Variants in SLC36A1 observed in about 807,000 individuals in gnomAD.
SLC36A1 encodes solute carrier family 36 member 1.
In SLC36A1, 30 loss-of-function variants were observed where a neutral mutation model predicts 47.5. That is an observed-to-expected ratio of 0.63 (90% CI 0.47 to 0.86). The LOEUF is 0.86. Among genes scored for constraint, SLC36A1 ranks in the 40% least tolerant of loss-of-function variants. The pLI is 0.00. For synonymous variants in SLC36A1, 255 were observed against 249.7 expected (o/e 1.02, Z -0.20); for missense variants, 517 against 606.0 (o/e 0.85, Z 1.54).
At chr5:151,476,045 C>A (rs1758009494) in intron 8 of SLC36A1, among the ~76,000 whole-genome samples, 2 of 152,216 alleles carry the variant, frequency 1.3e-5, no homozygotes. Flanking sequence ...TGTTAAGCAC[C>A]CATGTCTTGA....
Position 151,440,242 on chromosome 5 carries a change from C to T in SLC36A1, c.-6+3063C>T, listed in dbSNP as rs150221487. Among the ~76,000 whole-genome samples the T allele has an allele frequency of 6.5e-3, 996 of 152,340 alleles. 6 individuals are homozygous for T. The highest frequency in any genetic ancestry group is 0.027 in the Middle Eastern group (8 of 294). On this transcript the variant is annotated intron_variant, in intron 1 of 8. Coordinates refer to the SLC36A1 transcript ENST00000429484. ...AAAGGAGATACAGGAAGGGCACCTA[C>T]AGCATCTCCTAAATGCCTCATAGGG... is the stretch of plus-strand genomic sequence containing the variant.
chr5:151,482,296 A>G (rs1008481403), intron 10 of SLC36A1, among the ~76,000 whole-genome samples: 1 of 151,646 alleles, frequency 6.6e-6, no homozygotes, highest in African/African-American at 2.4e-5. Context: ...TTCCCCGCCC[A>G]GGAACCCTCA....
the SLC36A1 span, among the ~76,000 whole-genome samples, chr5:151,373,586 A>G: frequency 1.3e-5 from 2 of 152,210 alleles, no homozygotes; most frequent in Non-Finnish European, 2.9e-5. Context: ...ACAAATGAAA[A>G]CTAAGATAAT....
rs765483787 is a variant in SLC36A1 at position 151,463,612 on chromosome 5, T to G, written c.203T>G (p.Leu68Arg). ...AACATTGGCACAGGACTCCTGGGAC[T>G]CCCTCTGGCGGTGAAAAATGCAGGC... ...KGNIGTGLLG[L>R]PLAVKNAGIV... Residue 68 changes from leucine to arginine, a missense_variant, in exon 3 of 11, where the codon CTC becomes CGC. Leu to Arg is a moderately radical substitution (Grantham distance 102). Transcript: ENST00000243389. 4 of 1,614,100 alleles carry G rather than the reference T, an allele frequency of 2.5e-6. No individual in the cohort carries two copies. Among genetic ancestry groups the G allele is most frequent in the Non-Finnish European group, 3.4e-6 (4 of 1,180,036 alleles).
the SLC36A1 span, among the ~76,000 whole-genome samples, chr5:151,537,046 A>G: frequency 6.6e-6 from 1 of 152,312 alleles, no homozygotes; most frequent in Admixed American, 6.5e-5. Context: ...CAAGTCTCAC[A>G]TAAAGTGGCA....
intron 7 of SLC36A1, among the ~76,000 whole-genome samples, chr5:151,468,621 G>C (rs1756922790): frequency 6.6e-6 from 1 of 151,256 alleles, no homozygotes; most frequent in Non-Finnish European, 1.5e-5. Context: ...CTACTCATTA[G>C]GTACCAGTAG....
chr5:151,477,230 G>T (rs576746831), intron 9 of SLC36A1, among the ~76,000 whole-genome samples: 13 of 152,232 alleles, frequency 8.5e-5, no homozygotes, highest in Admixed American at 3.9e-4. Flanking sequence ...GGGAAATAGT[G>T]AGCCATTTTG....
the SLC36A1 span, chr5:151,543,219 A>C: frequency 6.2e-7 from 1 of 1,614,160 alleles, no homozygotes; most frequent in Admixed American, 1.7e-5. Flanking sequence ...TGACTGGGTT[A>C]ATTTCAATGA....
upstream of SLC36A1, among the ~76,000 whole-genome samples, chr5:151,432,050 G>A (rs1353857975): frequency 1.3e-5 from 2 of 152,108 alleles, no homozygotes; most frequent in Non-Finnish European, 2.9e-5. Context: ...ACACACAGAG[G>A]CCCTCACAGT....
At chr5:151,528,956 CT>C in the SLC36A1 span, among the ~76,000 whole-genome samples, 1 of 152,164 alleles carries the variant, frequency 6.6e-6, no homozygotes, top group Non-Finnish European at 1.5e-5. Context: ...TGTCTCTGAT[CT>C]TATCATATGG....
chr5:151,359,346 A>G, the SLC36A1 span, among the ~76,000 whole-genome samples: 2 of 152,202 alleles, frequency 1.3e-5, no homozygotes, highest in African/African-American at 2.4e-5. Context: ...TGCAAGAAAA[A>G]CATAAGCTTA....
At position 151,467,846 on chromosome 5, in the gene SLC36A1, G is replaced by C. The variant is rs371431768; in HGVS notation, c.644G>C (p.Arg215Pro). ...LVLLVFIRNL[R>P]ALSIFSLLAN... ...CTGCTGGTTTTCATCAGGAACCTCC[G>C]AGCCCTGTCCATCTTCTCCCTGTTG... The change falls in exon 7 of 11, where the codon CGA becomes CCA. Residue 215 changes from arginine (R) to proline (P), a missense_variant. By Grantham distance (103) the Arg-to-Pro change is moderately radical (BLOSUM62 -2). Transcript: ENST00000243389. 3.3e-5 allele frequency: 53 copies of C among 1,613,596 alleles called. No homozygotes were observed. Among genetic ancestry groups the C allele is most frequent in the Non-Finnish European group, 4.4e-5 (52 of 1,179,966 alleles).
chr5:151,542,390 C>G, the SLC36A1 span: 1 of 1,614,048 alleles, frequency 6.2e-7, no homozygotes, highest in Non-Finnish European at 8.5e-7. Context: ...ACCACAGATC[C>G]TCTGTACTCT....
chr5:151,442,482 CTTAT>C (rs756141922), intron 1 of SLC36A1, among the ~76,000 whole-genome samples: 1 of 152,112 alleles, frequency 6.6e-6, no homozygotes, highest in South Asian at 2.1e-4. Flanking sequence ...ATCTCAAACG[CTTAT>C]TTCTTTGTGT....
the SLC36A1 span, chr5:151,544,752 T>A: frequency 6.2e-7 from 1 of 1,614,194 alleles, no homozygotes; most frequent in Non-Finnish European, 8.5e-7. Context: ...TCTTGAGTGA[T>A]ATGTCCCCAA....
chr5:151,542,478 G>A, the SLC36A1 span: 40 of 1,614,086 alleles, frequency 2.5e-5, no homozygotes, highest in South Asian at 4.0e-4. Context: ...ATAGCTGGAT[G>A]GTCTGTCCGT....
chr5:151,359,995 A>G, the SLC36A1 span, among the ~76,000 whole-genome samples: 1 of 152,226 alleles, frequency 6.6e-6, no homozygotes, highest in Non-Finnish European at 1.5e-5. Context: ...ATTTGCATAC[A>G]CGTTTTTTGT....
the SLC36A1 span, chr5:151,380,697 G>T: frequency 1.1e-5 from 6 of 550,630 alleles, no homozygotes; most frequent in Middle Eastern, 6.4e-4. Flanking sequence ...TGAAAACTCA[G>T]ATCGGAGACC....
chr5:151,521,251 T>C, the SLC36A1 span: 7 of 1,573,840 alleles, frequency 4.4e-6, no homozygotes, highest in Admixed American at 1.2e-4. Context: ...GTGCTGCTCG[T>C]CCCTAGGGAA....
Sources: allele counts gnomAD v4.1 joint callset (sites outside exome capture counted in the v4.1 genomes callset), GRCh38; gene constraint gnomAD v4.1.1; transcripts MANE v1.5; gene names NCBI Gene and HGNC (gene_info 2026-07-23, HGNC 2026-07-21).